The following ARHGAP28 variants were observed in gnomAD, a reference collection of about 807,000 sequenced individuals.
ARHGAP28 encodes the protein rho GTPase-activating protein 28.
A neutral mutation model predicts 90.7 loss-of-function variants in ARHGAP28; 56 were observed. That is an observed-to-expected ratio of 0.62 (90% confidence interval 0.50 to 0.77). ARHGAP28 has a LOEUF of 0.77. Among genes scored for constraint, ARHGAP28 ranks in the 30% least tolerant of loss-of-function variants. The pLI, the probability that ARHGAP28 is intolerant of heterozygous loss-of-function variation, is 0.00. For synonymous variants in ARHGAP28, 308 were observed against 323.3 expected (o/e 0.95, Z 0.51); for missense variants, 869 against 900.9 (o/e 0.96, Z 0.45).
intron 1 of ARHGAP28, among the ~76,000 whole-genome samples, chr18:6,768,835 A>G (rs765300296): frequency 4.0e-4 from 61 of 152,066 alleles, no homozygotes; most frequent in Non-Finnish European, 7.2e-4. Flanking sequence ...TGGGCGGTTC[A>G]TCCGGGTGGA....
intron 10 of ARHGAP28, 99 bp from the exon 11 acceptor site, chr18:6,882,038 G>A (rs1166128526): frequency 1.7e-6 from 2 of 1,170,184 alleles, no homozygotes; most frequent in Admixed American, 2.6e-5. Flanking sequence ...TTACCAGTCT[G>A]TTTACAAAAA....
chr18:6,811,369 T>C (rs1485539507), intron 1 of ARHGAP28, among the ~76,000 whole-genome samples: 2 of 152,204 alleles, frequency 1.3e-5, no homozygotes, highest in African/African-American at 4.8e-5. Context: ...AGAATCTTCA[T>C]TGAACCAGCA....
intron 1 of ARHGAP28, among the ~76,000 whole-genome samples, chr18:6,814,069 C>A (rs529596285): frequency 6.6e-6 from 1 of 152,214 alleles, no homozygotes; most frequent in South Asian, 2.1e-4. Flanking sequence ...TTAAAACTGT[C>A]ATGGAGTGAC....
At chr18:6,761,828 T>TA (rs2056162341) in intron 1 of ARHGAP28, among the ~76,000 whole-genome samples, 1 of 152,232 alleles carries the variant, frequency 6.6e-6, no homozygotes, top group Non-Finnish European at 1.5e-5. Context: ...TTGGCCAAGT[T>TA]ATGTTATCTC....
At chr18:6,889,033 A>G (rs551665098) in intron 12 of ARHGAP28, among the ~76,000 whole-genome samples, 2 of 152,106 alleles carry the variant, frequency 1.3e-5, no homozygotes, top group Non-Finnish European at 2.9e-5. Context: ...TGGAATAATG[A>G]TGAGTGAATA....
chr18:6,825,048 CCCA>C (rs2056652579), intron 2 of ARHGAP28, 84 bp downstream of exon 2: 1 of 1,210,854 alleles, frequency 8.3e-7, no homozygotes, highest in African/African-American at 1.5e-5. Context: ...CAGAAATCAT[CCCA>C]CCAATAGTTT....
chr18:6,890,541 G>A lies in ARHGAP28; in HGVS notation c.1846G>A (p.Glu616Lys). The A allele has an allele frequency of 6.2e-7, 1 of 1,600,086 alleles. No homozygotes were observed. The highest frequency in any genetic ancestry group is 2.2e-5 in the East Asian group (1 of 44,762). The stretch of plus-strand genomic sequence containing the variant: ...GCTCAGGAGGAAGACCCTCGAGCGG[G>A]AGGTAAGACAGCAAATGAGGCATGG... ...KLLRRKTLER[E>K]TASPKTSKVL... The change falls in exon 14 of 18, where the codon GAG becomes AAG. Residue 616 changes from glutamate to lysine, a missense_variant and splice_region_variant. Transcript: ENST00000383472.
intron 16 of ARHGAP28, 57 bp downstream of exon 16, chr18:6,896,683 A>G (rs939807650): frequency 1.9e-6 from 3 of 1,593,752 alleles, no homozygotes; most frequent in Non-Finnish European, 2.6e-6. Flanking sequence ...TATCAGATGA[A>G]TAACTTTCTA....
intron 3 of ARHGAP28, among the ~76,000 whole-genome samples, chr18:6,849,560 C>T (rs968020148): frequency 1.3e-5 from 2 of 152,166 alleles, no homozygotes; most frequent in African/African-American, 4.8e-5. Flanking sequence ...CAAGAAATGT[C>T]TCTGGATACT....
chr18:6,782,772 T>C (rs911452568), intron 1 of ARHGAP28, among the ~76,000 whole-genome samples: 19 of 151,674 alleles, frequency 1.3e-4, no homozygotes, highest in African/African-American at 4.3e-4. Flanking sequence ...ATATATCATA[T>C]TTTATATACA....
intron 1 of ARHGAP28, among the ~76,000 whole-genome samples, chr18:6,798,714 A>G (rs1468216886): frequency 6.6e-6 from 1 of 152,214 alleles, no homozygotes; most frequent in East Asian, 1.9e-4. Context: ...AAAAGACTAC[A>G]TATTGGGTAC....
intron 1 of ARHGAP28, among the ~76,000 whole-genome samples, chr18:6,775,225 T>C (rs2056274327): frequency 6.6e-6 from 1 of 152,146 alleles, no homozygotes; most frequent in East Asian, 1.9e-4. Flanking sequence ...TTAAGAGAGG[T>C]GGTCTTGCTG....
chr18:6,909,067 A>C (rs1249748038), intron 17 of ARHGAP28, 43 bp downstream of exon 17: 10 of 1,081,602 alleles, frequency 9.2e-6, no homozygotes, highest in South Asian at 1.4e-5. Context: ...TTCTCTGATT[A>C]CTCTAAAAGA....
chr18:6,741,077 C>T (rs553306726), intron 1 of ARHGAP28, among the ~76,000 whole-genome samples: 72 of 152,288 alleles, frequency 4.7e-4, no homozygotes, highest in African/African-American at 1.7e-3. Flanking sequence ...CTTTCAAACA[C>T]TATTACAACC....
At chr18:6,765,330 C>T (rs564662377) in intron 1 of ARHGAP28, among the ~76,000 whole-genome samples, 2 of 152,152 alleles carry the variant, frequency 1.3e-5, no homozygotes, top group South Asian at 2.1e-4. Context: ...AAATATGGGT[C>T]GATCTCATTT....
At chr18:6,865,849 G>A (rs566809499) in intron 5 of ARHGAP28, among the ~76,000 whole-genome samples, 9 of 152,268 alleles carry the variant, frequency 5.9e-5, no homozygotes, top group East Asian at 5.8e-4. Context: ...GAAAACACCC[G>A]TTGTGATTCT....
intron 5 of ARHGAP28, among the ~76,000 whole-genome samples, chr18:6,860,732 G>A (rs1024062088): frequency 3.3e-5 from 5 of 152,210 alleles, no homozygotes; most frequent in African/African-American, 9.7e-5. Flanking sequence ...GGGAGATAAT[G>A]CTGTTAGCCC....
At chr18:6,778,603 C>A (rs1334506016) in intron 1 of ARHGAP28, among the ~76,000 whole-genome samples, 1 of 152,158 alleles carries the variant, frequency 6.6e-6, no homozygotes, top group Non-Finnish European at 1.5e-5. Flanking sequence ...CCTCTTTAAT[C>A]CTTCATTTCC....
chr18:6,805,422 A>G (rs2056510672), intron 1 of ARHGAP28, among the ~76,000 whole-genome samples: 2 of 137,148 alleles, frequency 1.5e-5, no homozygotes, highest in African/African-American at 5.5e-5. Context: ...ATTGTAAGCT[A>G]TTTATGTCCA....
Sources: allele counts gnomAD v4.1 joint callset (sites outside exome capture counted in the v4.1 genomes callset), GRCh38; gene constraint gnomAD v4.1.1; transcripts MANE v1.5; gene names NCBI Gene and HGNC (gene_info 2026-07-23, HGNC 2026-07-21).